The following MYDGF variants were observed in gnomAD, a reference collection of about 807,000 sequenced individuals.
The protein encoded by MYDGF is myeloid derived growth factor, also known as myeloid-derived growth factor.
Under a neutral mutation model 24.2 loss-of-function variants are expected in MYDGF, and 29 were observed. The ratio of observed to expected loss-of-function variants is 1.20; its 90% confidence interval spans 0.89 to 1.63. The LOEUF (loss-of-function observed/expected upper bound fraction) is 1.63. MYDGF is among the 40% of genes most tolerant of loss of function. MYDGF has a pLI of 0.00. For synonymous variants in MYDGF, 105 were observed against 102.5 expected (o/e 1.02, Z -0.15); for missense variants, 245 against 234.8 (o/e 1.04, Z -0.29).
chr19:4,663,090 C>CAA (rs1254955008), intron 3 of MYDGF, among the ~76,000 whole-genome samples: 1 of 149,504 alleles, frequency 6.7e-6, no homozygotes, highest in East Asian at 2.0e-4. Context: ...CCTCATTCTA[C>CAA]AGCCTCCGAT....
At position 4,670,165 on chromosome 19, in the gene MYDGF, G is replaced by A. The variant is rs758288662; in HGVS notation, c.170C>T (p.Pro57Leu). ...VVHSFSHNVG[P>L]GDKYTCMFTY... ...CGGGACGGCGGTGGCACGTACCCCC[G>A]GGCCCACGTTATGGGAGAAGGAATG... The change falls in exon 1 of 6, where the codon CCG becomes CTG. Residue 57 changes from proline (P) to leucine (L), a missense_variant. Physicochemically the swap from Pro to Leu is moderately conservative, Grantham distance 98. Transcript: ENST00000262947. 3 of 1,530,468 alleles carry A rather than the reference G, an allele frequency of 2.0e-6. No homozygotes were observed. The highest frequency in any genetic ancestry group is 1.2e-5 in the South Asian group (1 of 83,512). The allele number at this position is 1,530,468 out of a possible 1,614,324, so 94.8% of individuals were successfully genotyped here.
chr19:4,660,686 C>G lies in MYDGF; in HGVS notation c.352G>C (p.Glu118Gln), dbSNP rs1230424868. ...ATACTCACGTAGGCCATGGCGTACT[C>G]AATCTCAGCGCCCCGCACCTCTGCC... is the stretch of plus-strand genomic sequence containing the variant. ...FKAEVRGAEI[E>Q]YAMAYSKAAF... The change falls in exon 4 of 6, where the codon GAG becomes CAG. Residue 118 changes from glutamate to glutamine, a missense_variant. Physicochemically the swap from Glu to Gln is conservative, Grantham distance 29. Transcript: ENST00000262947. 1 of 1,613,968 alleles carries G rather than the reference C, an allele frequency of 6.2e-7. No homozygotes were observed. Among genetic ancestry groups the G allele is most frequent in the Non-Finnish European group, 8.5e-7 (1 of 1,179,998 alleles).
rs1458226147 is a variant in MYDGF at position 4,668,638 on chromosome 19, T to C, written c.182A>G (p.Tyr61Cys). The C allele has an allele frequency of 6.2e-7, 1 of 1,612,730 alleles. No individual in the cohort carries two copies. Among genetic ancestry groups the C allele is most frequent in the East Asian group, 2.2e-5 (1 of 44,862 alleles). ...FSHNVGPGDK[Y>C]TCMFTYASQG... ...AGAGGCGTAAGTGAACATACACGTATATTTGTCCTAGAGAATGGAAGGAAA... is the reference window on the plus strand; with the variant it reads ...AGAGGCGTAAGTGAACATACACGTACATTTGTCCTAGAGAATGGAAGGAAA... The change falls in exon 2 of 6, where the codon TAT becomes TGT. Residue 61 changes from tyrosine to cysteine, a missense_variant. Tyr to Cys is a radical substitution (Grantham distance 194). Coordinates refer to ENST00000262947, the MANE Select transcript of MYDGF (RefSeq NM_019107.4).
At chr19:4,664,186 C>A (rs562511358) in intron 3 of MYDGF, among the ~76,000 whole-genome samples, 24 of 152,052 alleles carry the variant, frequency 1.6e-4, no homozygotes, top group African/African-American at 5.3e-4. Context: ...GAGAATGACT[C>A]TGATGGGAAC....
At chr19:4,660,420 G>A (rs531070285) in intron 4 of MYDGF, among the ~76,000 whole-genome samples, 3 of 152,062 alleles carry the variant, frequency 2.0e-5, no homozygotes, top group South Asian at 2.1e-4. Context: ...GAACCGCCGC[G>A]CCTGGCCTGG....
At position 4,657,995 on chromosome 19, in the gene MYDGF, G is replaced by C; in HGVS notation, c.*10C>G. ...AGATGAGAAGGTGCCACCCGCAACA[G>C]GGCTGCTGGTCACAGCTCAGTGCGC... On this transcript the variant is annotated 3_prime_UTR_variant, in exon 6 of 6. Transcript: ENST00000262947. 6.2e-7 allele frequency: 1 copy of C among 1,605,868 alleles called. No homozygotes were observed. Among genetic ancestry groups the C allele is most frequent in the Non-Finnish European group, 8.5e-7 (1 of 1,177,198 alleles).
At chr19:4,659,436 C>T (rs1459944739) in intron 5 of MYDGF, among the ~76,000 whole-genome samples, 1 of 151,872 alleles carries the variant, frequency 6.6e-6, no homozygotes, top group East Asian at 2.0e-4. Flanking sequence ...TGTTGGCCAG[C>T]TGGTCTGGAA....
rs200622596 is a variant in MYDGF, at chr19:4,664,910, C to T, written c.253G>A (p.Glu85Lys). The T allele has an allele frequency of 5.9e-5, 95 of 1,612,962 alleles. No individual in the cohort carries two copies. The highest frequency in any genetic ancestry group is 7.0e-5 in the Non-Finnish European group (83 of 1,179,858). The change falls in exon 3 of 6, where the codon GAA becomes AAA. Residue 85 changes from glutamate (E) to lysine (K), a missense_variant. Glu to Lys is a moderately conservative substitution (Grantham distance 56). Coordinates refer to ENST00000262947, the MANE Select transcript of MYDGF (RefSeq NM_019107.4). ...EQWQMSLGTS[E>K]DHQHFTCTIW... is the part of the protein sequence containing the mutation. ...GTGCAGGTGAAGTGCTGGTGGTCTT[C>T]GCTGGTCCCCAGACTCATCTGCCAT...
intron 2 of MYDGF, among the ~76,000 whole-genome samples, chr19:4,667,160 G>C (rs1439067596): frequency 8.2e-6 from 1 of 122,436 alleles, no homozygotes; most frequent in Non-Finnish European, 1.6e-5. Flanking sequence ...ACAGAGTCTC[G>C]CTCTGTCGCC....
chr19:4,666,592 A>G (rs1233043616), intron 2 of MYDGF, among the ~76,000 whole-genome samples: 1 of 151,894 alleles, frequency 6.6e-6, no homozygotes, highest in Non-Finnish European at 1.5e-5. Context: ...TACTTTTAAG[A>G]AAATGGACCC....
Position 4,658,101 on chromosome 19 carries a change from C to T in MYDGF, c.443-17G>A, listed in dbSNP as rs763524953. 1 of 1,601,236 alleles carries T rather than the reference C, an allele frequency of 6.2e-7. No homozygotes were observed. The highest frequency in any genetic ancestry group is 2.2e-5 in the East Asian group (1 of 44,676). On this transcript the variant is annotated splice_polypyrimidine_tract_variant and intron_variant, in intron 5 of 5. Coordinates refer to ENST00000262947, the MANE Select transcript of MYDGF (RefSeq NM_019107.4). The stretch of plus-strand genomic sequence containing the variant: ...TGTGAGCCACTGCAAGAAAGAAACA[C>T]ATGGTTGGGCCCTCAACATTGAAAA...
intron 5 of MYDGF, 152 bp from the exon 6 acceptor site, chr19:4,658,236 G>A: frequency 3.2e-6 from 2 of 624,966 alleles, no homozygotes; most frequent in Non-Finnish European, 5.6e-6. Flanking sequence ...GGCACTGAAA[G>A]TCTTACGGGT....
At chr19:4,661,367 C>T (rs1209210541) in intron 3 of MYDGF, among the ~76,000 whole-genome samples, 1 of 152,296 alleles carries the variant, frequency 6.6e-6, no homozygotes, top group East Asian at 1.9e-4. Context: ...ATTCACTGCA[C>T]ATGGCTTCTT....
chr19:4,669,658 G>A (rs1035500191), intron 1 of MYDGF, among the ~76,000 whole-genome samples: 2 of 152,196 alleles, frequency 1.3e-5, no homozygotes, highest in African/African-American at 4.8e-5. Flanking sequence ...AGGCTGAGAG[G>A]GGAAAGGACT....
intron 5 of MYDGF, among the ~76,000 whole-genome samples, chr19:4,658,321 A>G (rs1035670453): frequency 6.6e-6 from 1 of 152,236 alleles, no homozygotes; most frequent in African/African-American, 2.4e-5. Flanking sequence ...AGGAAGCCAC[A>G]GAAAGACCTG....
chr19:4,670,160 C>T lies in MYDGF; in HGVS notation c.174+1G>A. 1.3e-6 allele frequency: 2 copies of T among 1,530,412 alleles called. No individual in the cohort carries two copies. The highest frequency in any genetic ancestry group is 1.8e-6 in the Non-Finnish European group (2 of 1,138,414). The allele number at this position is 1,530,412 out of a possible 1,614,324, so 94.8% of individuals were successfully genotyped here. A position where few individuals can be genotyped will look rare whatever the true frequency, so the allele number is the denominator to read the frequency against. ...ATATCCGGGACGGCGGTGGCACGTA[C>T]CCCCGGGCCCACGTTATGGGAGAAG... On this transcript the variant is annotated splice_donor_variant, in intron 1 of 5. Transcript: ENST00000262947. LOFTEE classifies it high-confidence loss of function.
At chr19:4,665,722 A>G (rs112215856) in intron 2 of MYDGF, among the ~76,000 whole-genome samples, 37,079 of 149,790 alleles carry the variant, frequency 0.25, 8,068 homozygotes, top group African/African-American at 0.59. Flanking sequence ...TCGGGAGGCT[A>G]AGGCAGGAGA....
chr19:4,659,654 G>T (rs566076667), intron 5 of MYDGF: 1 of 506,394 alleles, frequency 2.0e-6, no homozygotes, highest in South Asian at 4.0e-5. Flanking sequence ...GAGCCACCGC[G>T]CCCAGCTAAG....
chr19:4,665,820 CAAAAAAAAAAAAAAAAAA>C (rs533879529), intron 2 of MYDGF, among the ~76,000 whole-genome samples: 2 of 45,480 alleles, frequency 4.4e-5, no homozygotes, highest in African/African-American at 4.7e-5. Context: ...GACTCTGTCT[CAAAAAAAAAAAAAAAAAA>C]AAAAAAAAAA....
Sources: allele counts gnomAD v4.1 joint callset (sites outside exome capture counted in the v4.1 genomes callset), GRCh38; gene constraint gnomAD v4.1.1; transcripts MANE v1.5; gene names NCBI Gene and HGNC (gene_info 2026-07-23, HGNC 2026-07-21).